DYNC1I1: variants seen among roughly 807,000 people sequenced by gnomAD.
The protein encoded by DYNC1I1 is dynein cytoplasmic 1 intermediate chain 1.
In DYNC1I1, 43 loss-of-function variants were observed where a neutral mutation model predicts 86.6. The observed-to-expected ratio is 0.50, with a 90% CI of 0.39 to 0.64. The LOEUF is 0.64. Among genes scored for constraint, DYNC1I1 ranks in the 30% least tolerant of loss-of-function variants. The probability of loss-of-function intolerance (pLI) is 0.00; values close to 1 mark genes in which losing one functional copy is unlikely to be tolerated. For synonymous variants in DYNC1I1, 262 were observed against 283.7 expected (o/e 0.92, Z 0.77); for missense variants, 604 against 788.8 (o/e 0.77, Z 2.81).
chr7:95,802,349 C>G (rs1296879725), intron 1 of DYNC1I1, among the ~76,000 whole-genome samples: 2 of 152,138 alleles, frequency 1.3e-5, no homozygotes, highest in Non-Finnish European at 2.9e-5. Context: ...TGTGCTCTCG[C>G]TAATGCACAT....
At position 96,012,052 on chromosome 7, in the gene DYNC1I1, G is replaced by A. The variant is rs73230263; in HGVS notation, c.969+15979G>A. Among the ~76,000 whole-genome samples, 795 of 152,254 alleles carry A rather than the reference G, an allele frequency of 5.2e-3. 3 individuals carry two copies. Among genetic ancestry groups the A allele is most frequent in the Middle Eastern group, 0.01 (3 of 294 alleles). ...AAAACTATCCTGAAATTTTATCTGC[G>A]TTGGTGGGAGGAGGGTTGGGGACAG... On this transcript the variant is annotated intron_variant, in intron 10 of 16. Transcript: ENST00000447467.
chr7:96,072,991 TA>T (rs1790214223), intron 14 of DYNC1I1, among the ~76,000 whole-genome samples: 1 of 152,210 alleles, frequency 6.6e-6, no homozygotes, highest in South Asian at 2.1e-4. Context: ...AGCACTATTG[TA>T]AGTGACATTC....
downstream of DYNC1I1, among the ~76,000 whole-genome samples, chr7:96,100,617 T>C (rs953744100): frequency 1.0e-4 from 15 of 150,204 alleles, no homozygotes; most frequent in African/African-American, 3.4e-4. Flanking sequence ...GAATGTTGAT[T>C]AGATAAGGAA....
At chr7:96,000,991 C>T (rs1343833978) in intron 10 of DYNC1I1, among the ~76,000 whole-genome samples, 1 of 152,154 alleles carries the variant, frequency 6.6e-6, no homozygotes, top group Non-Finnish European at 1.5e-5. Context: ...TTTGTCTTGC[C>T]ATGACACATT....
chr7:95,981,708 T>C (rs537837584), intron 7 of DYNC1I1, among the ~76,000 whole-genome samples: 6 of 152,122 alleles, frequency 3.9e-5, no homozygotes, highest in Admixed American at 6.6e-5. Context: ...CTCCATGTTT[T>C]GTGTTGTGAA....
chr7:95,781,755 G>A (rs559934557), intron 1 of DYNC1I1, among the ~76,000 whole-genome samples: 37 of 152,312 alleles, frequency 2.4e-4, no homozygotes, highest in Middle Eastern at 3.4e-3. Flanking sequence ...ACATGCTCTG[G>A]AGACTGTGTG....
intron 6 of DYNC1I1, among the ~76,000 whole-genome samples, chr7:95,974,205 A>G (rs1793245631): frequency 6.6e-6 from 1 of 152,028 alleles, no homozygotes; most frequent in African/African-American, 2.4e-5. Context: ...CTGACACAGT[A>G]TATATTTTGT....
chr7:95,942,705 A>C (rs2116451746), intron 6 of DYNC1I1, among the ~76,000 whole-genome samples: 1 of 149,854 alleles, frequency 6.7e-6, no homozygotes, highest in East Asian at 2.0e-4. Context: ...CTGGGATGCA[A>C]GGCTGGTTCA....
At chr7:95,891,211 C>T (rs1250402982) in intron 6 of DYNC1I1, among the ~76,000 whole-genome samples, 1 of 152,138 alleles carries the variant, frequency 6.6e-6, no homozygotes, top group Non-Finnish European at 1.5e-5. Context: ...CTGCTGACAC[C>T]TTCACTTGGA....
At chr7:95,777,557 G>A (rs746013009) in intron 1 of DYNC1I1, among the ~76,000 whole-genome samples, 5 of 152,132 alleles carry the variant, frequency 3.3e-5, no homozygotes, top group South Asian at 2.1e-4. Context: ...TTTAGCAGCT[G>A]TTCTTGCTTC....
intron 5 of DYNC1I1, among the ~76,000 whole-genome samples, chr7:95,868,858 C>T (rs1488203157): frequency 6.6e-6 from 1 of 152,140 alleles, no homozygotes; most frequent in African/African-American, 2.4e-5. Flanking sequence ...CAAGATGAGA[C>T]ACACGCTGGT....
At chr7:95,984,527 G>A (rs979135355) in intron 7 of DYNC1I1, among the ~76,000 whole-genome samples, 2 of 151,878 alleles carry the variant, frequency 1.3e-5, no homozygotes, top group Non-Finnish European at 2.9e-5. Flanking sequence ...AAAACATTTA[G>A]AACTGATTGC....
chr7:95,934,446 G>C (rs965325968), intron 6 of DYNC1I1, among the ~76,000 whole-genome samples: 5 of 152,144 alleles, frequency 3.3e-5, no homozygotes, highest in African/African-American at 9.7e-5. Context: ...ATGTAAACCT[G>C]TGGCTGAACT....
At chr7:95,950,242 A>G (rs979833673) in intron 6 of DYNC1I1, among the ~76,000 whole-genome samples, 1 of 152,184 alleles carries the variant, frequency 6.6e-6, no homozygotes, top group African/African-American at 2.4e-5. Flanking sequence ...GTGACATATA[A>G]TCATGAACAC....
intron 16 of DYNC1I1, among the ~76,000 whole-genome samples, chr7:96,086,114 CCTGT>C (rs1382058688): frequency 1.3e-5 from 2 of 152,198 alleles, no homozygotes; most frequent in Non-Finnish European, 2.9e-5. Flanking sequence ...AGCCTATCTA[CCTGT>C]CTTTCTTGCA....
At chr7:96,099,501 G>C (rs941115841), downstream of DYNC1I1, among the ~76,000 whole-genome samples, 35 of 152,178 alleles carry the variant, frequency 2.3e-4, no homozygotes, top group African/African-American at 8.2e-4. Flanking sequence ...AGTGGCTTAA[G>C]CAACAGAACT....
intron 15 of DYNC1I1, among the ~76,000 whole-genome samples, chr7:96,079,495 A>T (rs1158629000): frequency 6.6e-6 from 1 of 152,186 alleles, no homozygotes; most frequent in Non-Finnish European, 1.5e-5. Flanking sequence ...AATGGGAGAG[A>T]GGTAGACACA....
At chr7:95,940,268 T>A (rs1412528637) in intron 6 of DYNC1I1, among the ~76,000 whole-genome samples, 1 of 151,242 alleles carries the variant, frequency 6.6e-6, no homozygotes, top group Non-Finnish European at 1.5e-5. Flanking sequence ...ATCTGACAAT[T>A]ATGTGTCTTG....
intron 5 of DYNC1I1, among the ~76,000 whole-genome samples, chr7:95,861,541 G>A (rs776103998): frequency 2.0e-5 from 3 of 152,178 alleles, no homozygotes; most frequent in Admixed American, 6.5e-5. Flanking sequence ...CTAGAACTTC[G>A]GCTGTCTGAA....
Sources: gnomAD v4.1 joint callset for allele counts (sites outside exome capture counted in the v4.1 genomes callset) on GRCh38, gnomAD v4.1.1 for gene constraint, MANE v1.5 for transcripts, NCBI Gene and HGNC (gene_info 2026-07-23, HGNC 2026-07-21) for gene names.